Variants in RANBP9 observed in about 807,000 individuals in gnomAD.
RANBP9 encodes the protein RAN binding protein 9, also known as ran-binding protein 9.
In RANBP9, 15 loss-of-function variants were observed where a neutral mutation model predicts 84.3. That is an observed-to-expected ratio of 0.18 (90% CI 0.12 to 0.27). The LOEUF (loss-of-function observed/expected upper bound fraction) is 0.27. Ranked by LOEUF, RANBP9 falls within the 10% of genes least tolerant of loss-of-function variation. The pLI, the probability that RANBP9 is intolerant of heterozygous loss-of-function variation, is 1.00. For synonymous variants in RANBP9, 392 were observed against 349.6 expected, an observed-to-expected ratio of 1.12 and a Z score of -1.35; for missense variants, 809 against 912.8, an observed-to-expected ratio of 0.89 and a Z score of 1.46.
At chr6:13,710,863 G>T in intron 1 of RANBP9, 72 bp downstream of exon 1, 1 of 1,472,890 alleles carries the variant, frequency 6.8e-7, no homozygotes, top group Non-Finnish European at 9.2e-7. Flanking sequence ...GGGGCGGGTC[G>T]AGAGCGGCGC....
chr6:13,681,987 T>C (rs1766051890), intron 2 of RANBP9, among the ~76,000 whole-genome samples: 1 of 151,768 alleles, frequency 6.6e-6, no homozygotes, highest in African/African-American at 2.4e-5. Flanking sequence ...GCCTCCTGAG[T>C]AGTAGCTGGG....
At chr6:13,690,062 C>T (rs545815440) in intron 2 of RANBP9, among the ~76,000 whole-genome samples, 8 of 152,176 alleles carry the variant, frequency 5.3e-5, no homozygotes, top group Non-Finnish European at 7.4e-5. Context: ...AAAAAAACAT[C>T]GCCCAATGAC....
intron 1 of RANBP9, among the ~76,000 whole-genome samples, chr6:13,706,598 CAGA>C (rs1423441551): frequency 6.6e-6 from 1 of 151,094 alleles, no homozygotes; most frequent in Non-Finnish European, 1.5e-5. Flanking sequence ...GAGGCTGAGG[CAGA>C]AGAATTGCTT....
intron 7 of RANBP9, among the ~76,000 whole-genome samples, 172 bp downstream of exon 7, chr6:13,642,307 G>A (rs1765086402): frequency 6.6e-6 from 1 of 151,978 alleles, no homozygotes; most frequent in South Asian, 2.1e-4. Flanking sequence ...AGTCCTATGT[G>A]AATTTTTAAA....
chr6:13,647,132 T>C (rs76503181), intron 5 of RANBP9, among the ~76,000 whole-genome samples: 7,609 of 152,234 alleles, frequency 0.05, 208 homozygotes, highest in Middle Eastern at 0.082. Context: ...TCTATTAAAA[T>C]TGACCAAGTA....
At chr6:13,639,540 T>C in intron 9 of RANBP9, 23 bp downstream of exon 9, 1 of 1,564,396 alleles carries the variant, frequency 6.4e-7, no homozygotes, top group Non-Finnish European at 8.8e-7. Flanking sequence ...AATCTAAAAA[T>C]AATGTCATAA....
chr6:13,710,502 G>C (rs762683823), intron 1 of RANBP9, among the ~76,000 whole-genome samples: 1 of 151,976 alleles, frequency 6.6e-6, no homozygotes, highest in Admixed American at 6.6e-5. Flanking sequence ...TCATACCTCA[G>C]AATCGTGCCT....
intron 2 of RANBP9, among the ~76,000 whole-genome samples, chr6:13,691,785 C>A (rs936229456): frequency 1.1e-4 from 16 of 152,088 alleles, no homozygotes; most frequent in Non-Finnish European, 1.6e-4. Flanking sequence ...CCTGCCCCAG[C>A]CCCCCAAGTA....
intron 13 of RANBP9, among the ~76,000 whole-genome samples, chr6:13,623,344 T>TA (rs371977441): frequency 3.2e-4 from 48 of 152,288 alleles, no homozygotes; most frequent in African/African-American, 1.2e-3. Context: ...GACACATGGC[T>TA]AGGAAGGCTT....
At chr6:13,698,756 T>C (rs1284022971) in intron 1 of RANBP9, among the ~76,000 whole-genome samples, 2 of 152,184 alleles carry the variant, frequency 1.3e-5, no homozygotes, top group Non-Finnish European at 2.9e-5. Flanking sequence ...CTATTATCAT[T>C]TCACAGTTGA....
intron 10 of RANBP9, among the ~76,000 whole-genome samples, chr6:13,634,865 T>C (rs1157444499): frequency 2.0e-5 from 3 of 152,112 alleles, no homozygotes; most frequent in Non-Finnish European, 2.9e-5. Context: ...AATTCAGATC[T>C]GTACGTCTTC....
At position 13,622,215 on chromosome 6, in the gene RANBP9, A is replaced by G; in HGVS notation, c.*147T>C. Reference sequence around the variant, plus strand: ...ACTAAGTTAGAAAATCATTTGCATCATGCTGTAAACTAGGAAGCAATGTAA... The same window carrying G: ...ACTAAGTTAGAAAATCATTTGCATCGTGCTGTAAACTAGGAAGCAATGTAA... On this transcript the variant is annotated 3_prime_UTR_variant, in exon 14 of 14. Coordinates refer to ENST00000011619, the MANE Select transcript of RANBP9 (RefSeq NM_005493.3). 1.4e-6 allele frequency: 1 copy of G among 734,114 alleles called. No individual in the cohort carries two copies. The allele number at this position is 734,114 out of a possible 1,614,324, so 45.5% of individuals were successfully genotyped here.
At chr6:13,685,330 T>A (rs555734802) in intron 2 of RANBP9, among the ~76,000 whole-genome samples, 1 of 152,300 alleles carries the variant, frequency 6.6e-6, no homozygotes, top group Admixed American at 6.5e-5. Flanking sequence ...GAGCTTTTAA[T>A]CTCATAGAAG....
intron 1 of RANBP9, among the ~76,000 whole-genome samples, chr6:13,709,892 CCAAT>C (rs1424054408): frequency 4.6e-5 from 7 of 152,216 alleles, no homozygotes; most frequent in African/African-American, 1.4e-4. Flanking sequence ...CCCTTTACAG[CCAAT>C]CAAAGTGAGG....
intron 12 of RANBP9, among the ~76,000 whole-genome samples, chr6:13,631,085 G>T (rs1764768874): frequency 6.6e-6 from 1 of 152,074 alleles, no homozygotes; most frequent in African/African-American, 2.4e-5. Flanking sequence ...TGGGAATACA[G>T]GTGTGAGCCA....
At chr6:13,631,148 T>G (rs963864345) in intron 12 of RANBP9, among the ~76,000 whole-genome samples, 2 of 152,198 alleles carry the variant, frequency 1.3e-5, no homozygotes, top group Non-Finnish European at 2.9e-5. Context: ...AATTATCAAT[T>G]ATTTTTTATC....
intron 2 of RANBP9, among the ~76,000 whole-genome samples, chr6:13,693,678 A>G (rs150573875): frequency 6.6e-6 from 1 of 152,194 alleles, no homozygotes; most frequent in African/African-American, 2.4e-5. Context: ...ATGAAACACA[A>G]GAACTATGTC....
intron 1 of RANBP9, among the ~76,000 whole-genome samples, chr6:13,705,203 A>C (rs781187148): frequency 8.6e-5 from 13 of 152,032 alleles, no homozygotes; most frequent in Non-Finnish European, 1.5e-4. Flanking sequence ...CAGGAGTTCC[A>C]GACCAGCCTG....
At chr6:13,628,859 C>G (rs1444783675) in intron 12 of RANBP9, among the ~76,000 whole-genome samples, 1 of 152,156 alleles carries the variant, frequency 6.6e-6, no homozygotes, top group African/African-American at 2.4e-5. Context: ...TGGTACATTC[C>G]TTCATTACTG....
Sources: allele counts gnomAD v4.1 joint callset (sites outside exome capture counted in the v4.1 genomes callset), GRCh38; gene constraint gnomAD v4.1.1; transcripts MANE v1.5; gene names NCBI Gene and HGNC (gene_info 2026-07-23, HGNC 2026-07-21).